Variants in UTP20 observed in about 807,000 individuals in gnomAD.
UTP20 encodes small subunit processome component 20 homolog.
A neutral mutation model predicts 329.5 loss-of-function variants in UTP20; 164 were observed. The observed-to-expected ratio is 0.50, with a 90% CI of 0.44 to 0.57. The LOEUF is 0.57. Among genes scored for constraint, UTP20 ranks in the 20% least tolerant of loss-of-function variants. UTP20 has a pLI of 0.00. For missense variants in UTP20, 3,055 were observed against 3,284.2 expected (o/e 0.93, Z 1.71); for synonymous variants, 1,151 against 1,159.3 (o/e 0.99, Z 0.14).
chr12:101,382,412 A>T (rs1870677094), intron 58 of UTP20, among the ~76,000 whole-genome samples: 1 of 152,124 alleles, frequency 6.6e-6, no homozygotes, highest in Admixed American at 6.5e-5. Flanking sequence ...AATACCCAAA[A>T]AACAAAACAA....
rs780186819 is a variant in UTP20 at position 101,379,481 on chromosome 12, T to G, written c.7507T>G (p.Trp2503Gly). The G allele has an allele frequency of 1.5e-5, 24 of 1,614,132 alleles. No individual in the cohort carries two copies. Among genetic ancestry groups the G allele is most frequent in the Non-Finnish European group, 2.0e-5 (24 of 1,179,992 alleles). ...CCAGCCAGAGGAGCTTATTCAAAAATGGAATACCAAAAAGACCAAAAAACA... is the reference window on the plus strand; with the variant it reads ...CCAGCCAGAGGAGCTTATTCAAAAAGGGAATACCAAAAAGACCAAAAAACA... ...SCQPEELIQK[W>G]NTKKTKKHLP... is the part of the protein sequence containing the mutation. The change falls in exon 57 of 62, where the codon TGG becomes GGG. Residue 2503 changes from tryptophan to glycine, a missense_variant. Coordinates refer to ENST00000261637, the MANE Select transcript of UTP20 (RefSeq NM_014503.3).
chr12:101,386,252 C>A lies in UTP20; in HGVS notation c.*129C>A. On this transcript the variant is annotated 3_prime_UTR_variant, in exon 62 of 62. Transcript: ENST00000261637. ...TGAGACAAGGTCTCACTCTGTCACC[C>A]AAGGTGGAGTGCAGTGACGACATCA... 1 of 849,168 alleles carries A rather than the reference C, an allele frequency of 1.2e-6. No individual in the cohort carries two copies. The highest frequency in any genetic ancestry group is 1.7e-5 in the South Asian group (1 of 59,238). The allele number at this position is 849,168 out of a possible 1,614,324, so 52.6% of individuals were successfully genotyped here.
chr12:101,324,202 C>T (rs1868478068), intron 25 of UTP20, among the ~76,000 whole-genome samples: 1 of 148,384 alleles, frequency 6.7e-6, no homozygotes, highest in African/African-American at 2.5e-5. Flanking sequence ...ACTTTCTCTA[C>T]TGATTTGAGA....
chr12:101,365,172 T>C (rs1870056067), intron 45 of UTP20, among the ~76,000 whole-genome samples: 1 of 151,550 alleles, frequency 6.6e-6, no homozygotes, highest in South Asian at 2.1e-4. Flanking sequence ...AGAAGTCTCA[T>C]ATCTCTGGCA....
rs138623776 is a variant in UTP20, at chr12:101,368,944, G to A, written c.6385-777G>A. Among the ~76,000 whole-genome samples, 11 of 152,274 alleles carry A rather than the reference G, an allele frequency of 7.2e-5. No homozygotes were observed. The East Asian group carries it at 2.1e-3, about 29-fold the overall frequency. ...GAGTTCTCAGCAGCCAGAGCAGCACGGGTGTTATTAGATGGAGCTGAACTA... is the reference window on the plus strand; with the variant it reads ...GAGTTCTCAGCAGCCAGAGCAGCACAGGTGTTATTAGATGGAGCTGAACTA... On this transcript the variant is annotated intron_variant, in intron 48 of 61. Coordinates refer to ENST00000261637, the MANE Select transcript of UTP20 (RefSeq NM_014503.3).
At chr12:101,361,422 G>A (rs1430958674) in intron 43 of UTP20, among the ~76,000 whole-genome samples, 2 of 151,836 alleles carry the variant, frequency 1.3e-5, no homozygotes, top group East Asian at 1.9e-4. Flanking sequence ...TCAGGAGTTC[G>A]AGATCAGCCT....
In UTP20 at chr12:101,352,064, A is replaced by G; in HGVS notation, c.4894A>G (p.Ile1632Val). 1.2e-6 allele frequency: 2 copies of G among 1,613,568 alleles called. No individual in the cohort carries two copies. Among genetic ancestry groups the G allele is most frequent in the Non-Finnish European group, 1.7e-6 (2 of 1,179,936 alleles). ...FDEKMLKHENITTAATEIIGA... is the reference protein window; with the variant it reads ...FDEKMLKHENVTTAATEIIGA... ...TTGATTTGTTTTACAGCATGAAAAT[A>G]TAACCACTGCTGCCACAGAGATTAT... Residue 1632 changes from isoleucine to valine, a missense_variant, in exon 39 of 62, where the codon ATA (isoleucine) becomes GTA (valine). By Grantham distance (29) the Ile-to-Val change is conservative. This residue lies in a region of UTP20 where 2,445 missense variants were observed against 2,575.5 expected (regional missense o/e 0.95). Coordinates refer to ENST00000261637, the MANE Select transcript of UTP20 (RefSeq NM_014503.3).
chr12:101,305,627 A>ATATG (rs1565788960), intron 15 of UTP20, among the ~76,000 whole-genome samples: 1 of 148,082 alleles, frequency 6.8e-6, no homozygotes, highest in African/African-American at 2.5e-5. Flanking sequence ...ATATATATAT[A>ATATG]TAAGTGGCTG....
In UTP20 at chr12:101,375,698, C is replaced by A; in HGVS notation, c.7338C>A (p.Ile2446=). 6.2e-7 allele frequency: 1 copy of A among 1,604,576 alleles called. No individual in the cohort carries two copies. Among genetic ancestry groups the A allele is most frequent in the Admixed American group, 1.7e-5 (1 of 59,548 alleles). The stretch of plus-strand genomic sequence containing the variant: ...TTCTTACACTGATAACTAAACTTAT[C>A]AAGGAATGTAATATTATTCAGTTTA... ...FSFLTLITKL[I]KECNIIQFTK... Residue 2446 remains isoleucine (I), a synonymous_variant, in exon 56 of 62, where the codon ATC becomes ATA. Coordinates refer to ENST00000261637, the MANE Select transcript of UTP20 (RefSeq NM_014503.3).
rs781450795 is a variant in UTP20 at position 101,319,605 on chromosome 12, G to A, written c.2799G>A (p.Leu933=). The change falls in exon 23 of 62, where the codon CTG becomes CTA. Residue 933 remains leucine, a synonymous_variant. Coordinates refer to ENST00000261637, the MANE Select transcript of UTP20 (RefSeq NM_014503.3). ...TTTCAAATCCACGGGCCTTATATCTGGAATCCAAACTATATGAGTTATATC... is the reference window on the plus strand; with the variant it reads ...TTTCAAATCCACGGGCCTTATATCTAGAATCCAAACTATATGAGTTATATC... ...SKFSNPRALY[L]ESKLYELYLQ... 10 of 1,607,100 alleles carry A rather than the reference G, an allele frequency of 6.2e-6. No homozygotes were observed. The highest frequency in any genetic ancestry group is 1.7e-4 in the Middle Eastern group (1 of 6,028).
At chr12:101,322,887 A>G (rs1868417832) in intron 25 of UTP20, among the ~76,000 whole-genome samples, 1 of 152,234 alleles carries the variant, frequency 6.6e-6, no homozygotes, top group Admixed American at 6.5e-5. Context: ...GAAAGCAGAA[A>G]TCATCTTATA....
intron 28 of UTP20, among the ~76,000 whole-genome samples, chr12:101,333,655 C>G (rs866008029): frequency 6.6e-6 from 1 of 152,110 alleles, no homozygotes; most frequent in Non-Finnish European, 1.5e-5. Flanking sequence ...ATGGCATTTA[C>G]ACTTAAGGCT....
chr12:101,365,565 T>G lies in UTP20; in HGVS notation c.6065T>G (p.Ile2022Ser), dbSNP rs746719745. 1.2e-6 allele frequency: 2 copies of G among 1,612,732 alleles called. No individual in the cohort carries two copies. Among genetic ancestry groups the G allele is most frequent in the East Asian group, 4.5e-5 (2 of 44,840 alleles). ...IVNQEMTAES[I>S]LLLSYGLISE... The stretch of plus-strand genomic sequence containing the variant: ...AATCAGGAAATGACAGCTGAATCCA[T>G]TCTATTACTCAGTTATGGTTTGATC... The change falls in exon 46 of 62, where the codon ATT (isoleucine) becomes AGT (serine). Residue 2022 changes from isoleucine to serine, a missense_variant. Coordinates refer to ENST00000261637, the MANE Select transcript of UTP20 (RefSeq NM_014503.3).
At chr12:101,292,314 AGT>A (rs1872185085) in intron 10 of UTP20, among the ~76,000 whole-genome samples, 1 of 152,162 alleles carries the variant, frequency 6.6e-6, no homozygotes, top group African/African-American at 2.4e-5. Context: ...AGCAAAATAA[AGT>A]GTGGCAAAAG....
intron 50 of UTP20, 77 bp downstream of exon 50, chr12:101,370,640 G>A: frequency 7.0e-7 from 1 of 1,438,452 alleles, no homozygotes; most frequent in African/African-American, 1.4e-5. Flanking sequence ...AGATCATAGT[G>A]TTTTGACTAG....
chr12:101,338,767 C>A, intron 30 of UTP20, 46 bp from the exon 31 acceptor site: 2 of 1,517,530 alleles, frequency 1.3e-6, no homozygotes, highest in Non-Finnish European at 1.8e-6. Flanking sequence ...ACAATTATGC[C>A]TTAAGAGAGT....
intron 43 of UTP20, among the ~76,000 whole-genome samples, 165 bp downstream of exon 43, chr12:101,357,247 G>C (rs1415772264): frequency 3.9e-5 from 6 of 152,166 alleles, no homozygotes; most frequent in Non-Finnish European, 2.9e-5. Context: ...GAAATCTGTT[G>C]TTTAAATAGT....
In UTP20 at chr12:101,317,644, A is replaced by T; in HGVS notation, c.2719A>T (p.Thr907Ser). 1 of 1,611,970 alleles carries T rather than the reference A, an allele frequency of 6.2e-7. No individual in the cohort carries two copies. Among genetic ancestry groups the T allele is most frequent in the Non-Finnish European group, 8.5e-7 (1 of 1,179,256 alleles). ...AGATGAATCCTCACAGAAGAAAAAG[A>T]CGAGGAGAGCTGCAGCAAAGTAAGT... Reference protein sequence around the residue: ...PQDESSQKKKTRRAAAKQLIA... With the variant: ...PQDESSQKKKSRRAAAKQLIA... The change falls in exon 22 of 62, where the codon ACG (threonine) becomes TCG (serine). Residue 907 changes from threonine (T) to serine (S), a missense_variant. This residue lies in a region of UTP20 where 2,445 missense variants were observed against 2,575.5 expected (regional missense o/e 0.95). Coordinates refer to ENST00000261637, the MANE Select transcript of UTP20 (RefSeq NM_014503.3).
intron 15 of UTP20, among the ~76,000 whole-genome samples, chr12:101,303,717 C>T (rs1053837172): frequency 6.6e-6 from 1 of 152,054 alleles, no homozygotes; most frequent in Non-Finnish European, 1.5e-5. Context: ...AAGGGGAGGC[C>T]ATGGGAGGAT....
Sources: gnomAD v4.1 joint callset for allele counts (sites outside exome capture counted in the v4.1 genomes callset) on GRCh38, gnomAD v4.1.1 for gene constraint, gnomAD v4.1.1 regional missense constraint, MANE v1.5 for transcripts, NCBI Gene and HGNC (gene_info 2026-07-23, HGNC 2026-07-21) for gene names.